Variants in GALNTL6 observed in about 807,000 individuals in gnomAD.
The protein encoded by GALNTL6 is polypeptide N-acetylgalactosaminyltransferase like 6, also known as polypeptide N-acetylgalactosaminyltransferase-like 6.
In GALNTL6, 46 loss-of-function variants were observed where a neutral mutation model predicts 73.7. The observed-to-expected ratio is 0.62, with a 90% CI of 0.49 to 0.80. The LOEUF is 0.80. Ranked by LOEUF, GALNTL6 falls within the 30% of genes least tolerant of loss-of-function variation. GALNTL6 has a pLI of 0.00. For synonymous variants in GALNTL6, 259 were observed against 263.7 expected (o/e 0.98, Z 0.17); for missense variants, 604 against 755.0 (o/e 0.80, Z 2.34).
intron 11 of GALNTL6, among the ~76,000 whole-genome samples, chr4:173,019,412 A>G (rs1752904019): frequency 6.6e-6 from 1 of 152,196 alleles, no homozygotes; most frequent in East Asian, 1.9e-4. Flanking sequence ...CAACACCTGC[A>G]GTGGAGAGAT....
chr4:172,533,712 A>G (rs1463722339), intron 5 of GALNTL6, among the ~76,000 whole-genome samples: 1 of 152,172 alleles, frequency 6.6e-6, no homozygotes, highest in African/African-American at 2.4e-5. Flanking sequence ...CTAAACTATA[A>G]GTTAGGTCAT....
chr4:172,822,563 G>C (rs1741992494), intron 7 of GALNTL6, among the ~76,000 whole-genome samples: 1 of 152,014 alleles, frequency 6.6e-6, no homozygotes, highest in Non-Finnish European at 1.5e-5. Context: ...TTAAATTTTG[G>C]ACTTCTGATC....
chr4:173,035,465 AC>A (rs1753658181), intron 12 of GALNTL6, among the ~76,000 whole-genome samples: 1 of 152,212 alleles, frequency 6.6e-6, no homozygotes, highest in Admixed American at 6.5e-5. Context: ...GGCATGAGCC[AC>A]CGCGCCTGGC....
chr4:172,968,018 G>A (rs1015708672), intron 10 of GALNTL6, among the ~76,000 whole-genome samples: 3 of 152,052 alleles, frequency 2.0e-5, no homozygotes, highest in South Asian at 2.1e-4. Context: ...GCATGGCAAC[G>A]CCATGCTTTT....
chr4:172,523,914 C>T (rs1173229815), intron 5 of GALNTL6, among the ~76,000 whole-genome samples: 1 of 152,130 alleles, frequency 6.6e-6, no homozygotes, highest in Non-Finnish European at 1.5e-5. Context: ...AAAGAACTAT[C>T]AGGTAAACAA....
intron 5 of GALNTL6, among the ~76,000 whole-genome samples, chr4:172,429,204 T>TTTTATTTTA (rs1554023258): frequency 1.4e-5 from 2 of 147,512 alleles, no homozygotes; most frequent in Non-Finnish European, 3.0e-5. Context: ...TATTATTTTA[T>TTTTATTTTA]TTTATTTTAT....
chr4:172,018,627 T>C lies in GALNTL6; in HGVS notation c.138+203909T>C, dbSNP rs184008168. Among the ~76,000 whole-genome samples the C allele has an allele frequency of 5.3e-3, 804 of 152,182 alleles. 2 individuals are homozygous for C. The highest frequency in any genetic ancestry group is 8.5e-3 in the Non-Finnish European group (579 of 67,982). On this transcript the variant is annotated intron_variant, in intron 2 of 12. Coordinates refer to ENST00000506823, the MANE Select transcript of GALNTL6 (RefSeq NM_001034845.3). ...TAAAACTCAGAACAGCCCCAGGCCA[T>C]AAGCTTCAATGCTGAGAAAGCAAGT...
intron 5 of GALNTL6, among the ~76,000 whole-genome samples, chr4:172,487,863 A>G (rs1200539717): frequency 2.0e-5 from 3 of 152,214 alleles, no homozygotes; most frequent in Non-Finnish European, 4.4e-5. Context: ...ACCCTACATG[A>G]TCATAAGTTC....
chr4:172,472,191 G>C (rs1302559876), intron 5 of GALNTL6, among the ~76,000 whole-genome samples: 1 of 152,140 alleles, frequency 6.6e-6, no homozygotes, highest in African/African-American at 2.4e-5. Flanking sequence ...TCTAAGAGTT[G>C]CATGGGTCAC....
chr4:171,861,326 AG>A (rs1424599802), intron 2 of GALNTL6, among the ~76,000 whole-genome samples: 1 of 152,182 alleles, frequency 6.6e-6, no homozygotes, highest in Non-Finnish European at 1.5e-5. Flanking sequence ...TACTACAGGA[AG>A]GCCAGTCCAG....
intron 2 of GALNTL6, among the ~76,000 whole-genome samples, chr4:172,012,157 C>T (rs940112519): frequency 3.7e-4 from 57 of 152,178 alleles, no homozygotes; most frequent in African/African-American, 1.3e-3. Context: ...CTCTGACATC[C>T]CCCAAAGCCC....
chr4:171,870,803 T>C (rs560032608), intron 2 of GALNTL6, among the ~76,000 whole-genome samples: 2 of 152,306 alleles, frequency 1.3e-5, no homozygotes, highest in Non-Finnish European at 2.9e-5. Flanking sequence ...TATGCAGCTA[T>C]AAGCCAAGGA....
chr4:172,019,288 CTT>C (rs1230137677), intron 2 of GALNTL6, among the ~76,000 whole-genome samples: 2 of 152,134 alleles, frequency 1.3e-5, no homozygotes, highest in African/African-American at 4.8e-5. Context: ...TGTATGTCCT[CTT>C]TTGAAAAATG....
intron 2 of GALNTL6, among the ~76,000 whole-genome samples, chr4:171,987,361 T>C (rs1246161457): frequency 6.6e-6 from 1 of 152,174 alleles, no homozygotes; most frequent in Non-Finnish European, 1.5e-5. Context: ...GGCTGGTCTA[T>C]TATCAGACTG....
chr4:172,318,951 C>T (rs533200713), intron 4 of GALNTL6, among the ~76,000 whole-genome samples: 2 of 152,118 alleles, frequency 1.3e-5, no homozygotes, highest in African/African-American at 4.8e-5. Context: ...GCAATAGATT[C>T]ATAATTTTGA....
chr4:172,020,644 G>C (rs1015148496), intron 2 of GALNTL6, among the ~76,000 whole-genome samples: 9 of 151,416 alleles, frequency 5.9e-5, no homozygotes, highest in Non-Finnish European at 1.2e-4. Flanking sequence ...TCAATAACAA[G>C]TGACAAGATC....
At chr4:172,315,627 A>T (rs1740517365) in intron 4 of GALNTL6, among the ~76,000 whole-genome samples, 1 of 152,302 alleles carries the variant, frequency 6.6e-6, no homozygotes, top group South Asian at 2.1e-4. Context: ...TGTTAGTGCC[A>T]AGTCATGTCT....
rs143257207 is a variant in GALNTL6, at chr4:172,588,059, G to C, written c.554-221302G>C. On this transcript the variant is annotated intron_variant, in intron 5 of 12. Transcript: ENST00000506823. ...CAACTAAGGAACTGAAGATATGGTT[G>C]ATATTAGTAGACTAGCAAATTAAGC... 2.6e-3 allele frequency among the ~76,000 whole-genome samples: 392 copies of C among 152,220 alleles called. 3 individuals carry two copies. The highest frequency in any genetic ancestry group is 4.6e-3 in the Non-Finnish European group (310 of 68,032).
intron 2 of GALNTL6, among the ~76,000 whole-genome samples, chr4:171,870,526 T>C (rs1030523583): frequency 3.3e-5 from 5 of 151,000 alleles, no homozygotes; most frequent in Non-Finnish European, 5.9e-5. Context: ...GATATAAATA[T>C]CAAAATAATT....
Sources: gnomAD v4.1 joint callset for allele counts (sites outside exome capture counted in the v4.1 genomes callset) on GRCh38, gnomAD v4.1.1 for gene constraint, MANE v1.5 for transcripts, NCBI Gene and HGNC (gene_info 2026-07-23, HGNC 2026-07-21) for gene names.